The following GRM8 variants were observed in gnomAD, a reference collection of about 807,000 sequenced individuals.
The protein encoded by GRM8 is glutamate metabotropic receptor 8.
In GRM8, 47 loss-of-function variants were observed where a neutral mutation model predicts 87.2. That is an observed-to-expected ratio of 0.54 (90% CI 0.43 to 0.69). The LOEUF is 0.69. GRM8 is among the 30% of genes least tolerant of loss of function. The pLI, the probability that GRM8 is intolerant of heterozygous loss-of-function variation, is 0.00. For missense variants in GRM8, 1,019 were observed against 1,139.2 expected (o/e 0.89, Z 1.52); for synonymous variants, 396 against 404.5 (o/e 0.98, Z 0.25).
intron 3 of GRM8, among the ~76,000 whole-genome samples, chr7:126,992,823 G>GTGTA (rs1406873943): frequency 8.6e-5 from 13 of 150,830 alleles, no homozygotes; most frequent in Middle Eastern, 3.2e-3. Flanking sequence ...GTGTGTGTGT[G>GTGTA]TGTGTATGTG....
At chr7:126,900,988 C>T (rs1405764138) in intron 6 of GRM8, among the ~76,000 whole-genome samples, 1 of 152,144 alleles carries the variant, frequency 6.6e-6, no homozygotes, top group Non-Finnish European at 1.5e-5. Context: ...ACATTGTGTC[C>T]TACCGGTAGA....
At chr7:126,616,071 C>T (rs1464092019) in intron 7 of GRM8, among the ~76,000 whole-genome samples, 3 of 152,206 alleles carry the variant, frequency 2.0e-5, no homozygotes, top group African/African-American at 4.8e-5. Context: ...ACAGAATATA[C>T]ATTCTTCTCA....
At chr7:127,063,250 C>CAAAAACAA (rs1820793573) in intron 3 of GRM8, among the ~76,000 whole-genome samples, 1 of 88,902 alleles carries the variant, frequency 1.1e-5, no homozygotes, top group Non-Finnish European at 2.4e-5. Context: ...GAGACTCCAT[C>CAAAAACAA]AAAAACAAAC....
At chr7:126,755,782 C>A (rs73226979) in intron 7 of GRM8, among the ~76,000 whole-genome samples, 4,169 of 151,848 alleles carry the variant, frequency 0.027, 72 homozygotes, top group Non-Finnish European at 0.043. Flanking sequence ...CAGAGACTGA[C>A]GGGATTAGAT....
At chr7:127,044,903 A>C (rs1818783532) in intron 3 of GRM8, among the ~76,000 whole-genome samples, 1 of 152,216 alleles carries the variant, frequency 6.6e-6, no homozygotes, top group East Asian at 1.9e-4. Flanking sequence ...TCCACCACCC[A>C]AAATTTAAAA....
intron 3 of GRM8, among the ~76,000 whole-genome samples, chr7:127,041,838 G>C (rs1003258461): frequency 6.6e-6 from 1 of 152,160 alleles, no homozygotes; most frequent in Non-Finnish European, 1.5e-5. Context: ...GCTGAGTTTT[G>C]ATTGATCAAT....
At chr7:126,996,082 C>G (rs1477397004) in intron 3 of GRM8, among the ~76,000 whole-genome samples, 1 of 151,944 alleles carries the variant, frequency 6.6e-6, no homozygotes, top group Non-Finnish European at 1.5e-5. Flanking sequence ...AAACGTTTTA[C>G]CCTGGAATAG....
At chr7:127,118,229 A>T (rs1826817841) in intron 2 of GRM8, 1 of 152,204 alleles carries the variant, frequency 6.6e-6, no homozygotes, top group African/African-American at 2.4e-5. Flanking sequence ...ACAGGGGGAA[A>T]ACCCACTCCA....
rs79480099 is a variant in GRM8, at chr7:126,643,528, T to TA, written c.1358-34031dup. ...CATGTATATGTATAGCTATTAAATT[T>TA]AAAAAATCACCTAATATGCATGCGA... On this transcript the variant is annotated intron_variant, in intron 7 of 10. Transcript: ENST00000339582. 5.4e-3 allele frequency among the ~76,000 whole-genome samples: 812 copies of TA among 151,124 alleles called. 7 individuals carry two copies. Among genetic ancestry groups the TA allele is most frequent in the Non-Finnish European group, 8.9e-3 (604 of 67,740 alleles).
At chr7:126,511,198 A>C (rs1811321634) in intron 9 of GRM8, 1 of 152,130 alleles carries the variant, frequency 6.6e-6, no homozygotes, top group South Asian at 2.1e-4. Flanking sequence ...ACTAAGACGA[A>C]GCTCAGTGAA....
At chr7:127,224,009 A>G (rs1250301628) in intron 2 of GRM8, among the ~76,000 whole-genome samples, 1 of 151,980 alleles carries the variant, frequency 6.6e-6, no homozygotes, top group Non-Finnish European at 1.5e-5. Context: ...TAAAACAATT[A>G]CCCATAAACA....
intron 6 of GRM8, among the ~76,000 whole-genome samples, chr7:126,797,409 T>G (rs150071924): frequency 7.9e-5 from 12 of 152,244 alleles, no homozygotes; most frequent in African/African-American, 2.6e-4. Flanking sequence ...ATAGCATATA[T>G]TCTTGTTATT....
chr7:127,244,775 T>C (rs185747090), intron 1 of GRM8, among the ~76,000 whole-genome samples: 108 of 152,300 alleles, frequency 7.1e-4, no homozygotes, highest in African/African-American at 2.5e-3. Flanking sequence ...ACTGAAAATA[T>C]GCCCAAACAC....
intron 3 of GRM8, among the ~76,000 whole-genome samples, chr7:127,081,807 A>G (rs1822896755): frequency 6.6e-6 from 1 of 152,304 alleles, no homozygotes; most frequent in Non-Finnish European, 1.5e-5. Flanking sequence ...AATATTCACC[A>G]TCACGGGTGG....
chr7:127,093,138 T>G (rs1433898334), intron 3 of GRM8, among the ~76,000 whole-genome samples: 4 of 152,182 alleles, frequency 2.6e-5, no homozygotes, highest in Non-Finnish European at 4.4e-5. Flanking sequence ...TTTCATGGAC[T>G]CTCTGTTCAT....
intron 7 of GRM8, among the ~76,000 whole-genome samples, chr7:126,758,922 G>T (rs1485794898): frequency 6.6e-6 from 1 of 151,528 alleles, no homozygotes; most frequent in Non-Finnish European, 1.5e-5. Context: ...TTTTGAGACA[G>T]AGTCTCCCTC....
At chr7:126,494,732 TA>T (rs888247339) in intron 9 of GRM8, among the ~76,000 whole-genome samples, 1 of 152,076 alleles carries the variant, frequency 6.6e-6, no homozygotes, top group Non-Finnish European at 1.5e-5. Flanking sequence ...TTGAATGCCA[TA>T]GCCACTGCCA....
At chr7:126,730,685 A>G (rs1435922104) in intron 7 of GRM8, among the ~76,000 whole-genome samples, 2 of 152,150 alleles carry the variant, frequency 1.3e-5, no homozygotes, top group Non-Finnish European at 2.9e-5. Context: ...TGAAAGATAT[A>G]GTGCGATAAA....
chr7:126,486,180 G>A (rs575718508), intron 9 of GRM8, among the ~76,000 whole-genome samples: 6 of 152,090 alleles, frequency 3.9e-5, no homozygotes, highest in East Asian at 3.9e-4. Flanking sequence ...TAACTTTCTC[G>A]TGGTAAGAGA....
Sources: allele counts gnomAD v4.1 joint callset (sites outside exome capture counted in the v4.1 genomes callset), GRCh38; gene constraint gnomAD v4.1.1; transcripts MANE v1.5; gene names NCBI Gene and HGNC (gene_info 2026-07-23, HGNC 2026-07-21).